Variants in DIP2C observed in about 807,000 individuals in gnomAD.
The protein encoded by DIP2C is disco-interacting protein 2 homolog C.
DIP2C carries 33 observed loss-of-function variants against 192.4 expected under a neutral mutation model. That is an observed-to-expected ratio of 0.17 (90% CI 0.13 to 0.23). DIP2C has a LOEUF of 0.23. Among genes scored for constraint, DIP2C ranks in the 10% least tolerant of loss-of-function variants. The probability of loss-of-function intolerance (pLI) is 1.00; values close to 1 mark genes in which losing one functional copy is unlikely to be tolerated. For missense variants in DIP2C, 1,537 were observed against 2,110.1 expected, an observed-to-expected ratio of 0.73 and a Z score of 5.32; for synonymous variants, 979 against 864.1, an observed-to-expected ratio of 1.13 and a Z score of -2.33.
At chr10:381,981 G>A (rs188268463) in intron 17 of DIP2C, among the ~76,000 whole-genome samples, 16 of 152,246 alleles carry the variant, frequency 1.1e-4, no homozygotes, top group African/African-American at 2.9e-4. Context: ...TATTTAGGCC[G>A]TCAGTGGCAC....
chr10:586,550 T>C (rs1369024489), intron 1 of DIP2C, among the ~76,000 whole-genome samples: 1 of 152,212 alleles, frequency 6.6e-6, no homozygotes. Context: ...CGGGAGGCTG[T>C]GCTCGGAAGG....
chr10:413,133 C>A (rs1965293468), intron 8 of DIP2C, among the ~76,000 whole-genome samples: 1 of 152,162 alleles, frequency 6.6e-6, no homozygotes, highest in African/African-American at 2.4e-5. Flanking sequence ...ATCATGCCAG[C>A]CTTTTAGTTA....
chr10:401,499 G>A (rs201376817), intron 9 of DIP2C, among the ~76,000 whole-genome samples: 24 of 140,798 alleles, frequency 1.7e-4, no homozygotes, highest in East Asian at 1.1e-3. Flanking sequence ...CATGAATCCT[G>A]TGATTTTACA....
chr10:469,353 G>A (rs1970455911), intron 3 of DIP2C, among the ~76,000 whole-genome samples: 1 of 132,302 alleles, frequency 7.6e-6, no homozygotes, highest in African/African-American at 2.8e-5. Flanking sequence ...GTCTCACTCT[G>A]TCGCCGAGGC....
chr10:514,721 G>A (rs773169317), intron 1 of DIP2C, among the ~76,000 whole-genome samples: 7 of 151,984 alleles, frequency 4.6e-5, no homozygotes, highest in Non-Finnish European at 8.8e-5. Flanking sequence ...GCACGTCCCT[G>A]CTCCCTGCGT....
At chr10:310,152 C>T in intron 31 of DIP2C, 60 bp from the exon 32 acceptor site, 2 of 1,432,234 alleles carry the variant, frequency 1.4e-6, no homozygotes, top group Admixed American at 1.8e-5. Context: ...GGGGTCTGTG[C>T]TTCTACTAGT....
Position 418,251 on chromosome 10 carries a change from T to C in DIP2C, c.739+814A>G, listed in dbSNP as rs1410154178. Among the ~76,000 whole-genome samples, 94 of 112,870 alleles carry C rather than the reference T, an allele frequency of 8.3e-4. 4 individuals are homozygous for C. Among genetic ancestry groups the C allele is most frequent in the African/African-American group, 2.2e-3 (62 of 28,136 alleles). 74.0% of individuals were successfully genotyped at this position (112,870 alleles called of 152,430 possible). On this transcript the variant is annotated intron_variant, in intron 6 of 36. Transcript: ENST00000280886. ...TCAGGGCTTCGATAGGCCTCCCTGT[T>C]CACTGCACCTGTCAGGCCTCAGATA...
intron 1 of DIP2C, among the ~76,000 whole-genome samples, chr10:640,127 GCCTGT>G (rs1009365169): frequency 6.6e-6 from 1 of 152,218 alleles, no homozygotes; most frequent in African/African-American, 2.4e-5. Flanking sequence ...GTGGGCCTGT[GCCTGT>G]CCCTCCACGC....
chr10:303,677 C>G (rs1363182403), intron 32 of DIP2C, among the ~76,000 whole-genome samples: 1 of 152,094 alleles, frequency 6.6e-6, no homozygotes, highest in African/African-American at 2.4e-5. Context: ...GCATGCGCCA[C>G]CACGCCCGGC....
At chr10:390,580 C>T (rs1035360912) in intron 11 of DIP2C, among the ~76,000 whole-genome samples, 160 bp downstream of exon 11, 2 of 151,724 alleles carry the variant, frequency 1.3e-5, no homozygotes, top group Admixed American at 6.6e-5. Context: ...GCTGGCAACT[C>T]GGCTGTGTCA....
At chr10:607,190 T>C (rs570868221) in intron 1 of DIP2C, among the ~76,000 whole-genome samples, 15 of 152,330 alleles carry the variant, frequency 9.8e-5, no homozygotes, top group African/African-American at 3.4e-4. Flanking sequence ...TTCCTCCTGC[T>C]TATTCAGAAG....
At chr10:483,822 A>T (rs541137962) in intron 2 of DIP2C, among the ~76,000 whole-genome samples, 219 of 147,372 alleles carry the variant, frequency 1.5e-3, no homozygotes, top group African/African-American at 4.9e-3. Context: ...CATTTTACCA[A>T]TTTTTTTTTT....
intron 3 of DIP2C, among the ~76,000 whole-genome samples, chr10:441,599 TAG>T (rs1159136486): frequency 6.6e-5 from 10 of 152,334 alleles, no homozygotes; most frequent in South Asian, 2.1e-4. Context: ...GATGGTTTAT[TAG>T]AGGTTTCCGC....
intron 31 of DIP2C, 28 bp from the exon 32 acceptor site, chr10:310,120 C>G (rs528126847): frequency 6.2e-7 from 1 of 1,608,456 alleles, no homozygotes; most frequent in Non-Finnish European, 8.5e-7. Context: ...GTGGTTAACT[C>G]AAGTTTACAT....
intron 1 of DIP2C, among the ~76,000 whole-genome samples, chr10:620,707 T>C (rs1425950944): frequency 6.6e-6 from 1 of 152,162 alleles, no homozygotes; most frequent in Non-Finnish European, 1.5e-5. Flanking sequence ...AGGGCCACTG[T>C]CTCCTCCTGT....
At chr10:345,597 C>T (rs1432815476) in intron 26 of DIP2C, among the ~76,000 whole-genome samples, 3 of 143,028 alleles carry the variant, frequency 2.1e-5, no homozygotes, top group East Asian at 2.1e-4. Flanking sequence ...ATAGTTCTCC[C>T]GGAAACCCCA....
intron 1 of DIP2C, chr10:629,728 G>C (rs1854404939): frequency 1.3e-5 from 2 of 152,374 alleles, no homozygotes; most frequent in African/African-American, 4.8e-5. Context: ...GCCTTGATCA[G>C]GCCCAGCCTC....
rs1293311638 is a variant in DIP2C, at chr10:666,636, G to A, written c.85+22858C>T. 1 of 19,118 alleles carries A rather than the reference G, an allele frequency of 5.2e-5. No individual in the cohort carries two copies. Among genetic ancestry groups the A allele is most frequent in the African/African-American group, 7.5e-5 (1 of 13,422 alleles). 1.2% of individuals were successfully genotyped at this position (19,118 alleles called of 1,614,324 possible). A position where few individuals can be genotyped will look rare whatever the true frequency, so the allele number is the denominator to read the frequency against. On this transcript the variant is annotated intron_variant, in intron 1 of 36. Coordinates refer to ENST00000280886, the MANE Select transcript of DIP2C (RefSeq NM_014974.3). This position sits in a 1 kb window ranked among gnomAD's most constrained non-coding sequence, Gnocchi z 4.1. ...TGGCCTGTCTGCCCGTGGCCTGTCT[G>A]CCCGTGGCCTGTCTGCGCACAGCTA...
intron 1 of DIP2C, chr10:662,801 A>G (rs1294413036): frequency 1.4e-6 from 1 of 713,984 alleles, no homozygotes; most frequent in Non-Finnish European, 2.6e-6. Context: ...AAGAACCAAA[A>G]CTGTGGCAGG....
Sources: allele counts gnomAD v4.1 joint callset (sites outside exome capture counted in the v4.1 genomes callset), GRCh38; gene constraint gnomAD v4.1.1; non-coding constraint Gnocchi (gnomAD v3.1); transcripts MANE v1.5; gene names NCBI Gene and HGNC (gene_info 2026-07-23, HGNC 2026-07-21).